The following AUTS2 variants were observed in gnomAD, a reference collection of about 807,000 sequenced individuals.
AUTS2 encodes the protein activator of transcription and developmental regulator AUTS2.
AUTS2 carries 17 observed loss-of-function variants against 112.4 expected under a neutral mutation model. The ratio of observed to expected loss-of-function variants is 0.15; its 90% CI spans 0.10 to 0.23. The LOEUF (loss-of-function observed/expected upper bound fraction) is 0.23. AUTS2 is among the 10% of genes least tolerant of loss of function. AUTS2 has a pLI of 1.00. For synonymous variants in AUTS2, 751 were observed against 702.7 expected (o/e 1.07, Z -1.09); for missense variants, 1,510 against 1,701.6 (o/e 0.89, Z 1.98).
At chr7:70,586,587 A>G (rs567430723) in intron 5 of AUTS2, among the ~76,000 whole-genome samples, 1 of 152,204 alleles carries the variant, frequency 6.6e-6, no homozygotes, top group Non-Finnish European at 1.5e-5. Context: ...CTGGGATAGC[A>G]CTGGTAGACA....
chr7:70,384,383 A>T (rs1339208814), intron 4 of AUTS2, among the ~76,000 whole-genome samples: 1 of 152,208 alleles, frequency 6.6e-6, no homozygotes, highest in East Asian at 1.9e-4. Flanking sequence ...AAGGGCTGCA[A>T]CCAGCAAACA....
At chr7:69,987,129 C>T (rs17363468) in intron 2 of AUTS2, among the ~76,000 whole-genome samples, 17,153 of 152,152 alleles carry the variant, frequency 0.11, 1,003 homozygotes, top group Middle Eastern at 0.15. Context: ...TTTCTCTTCG[C>T]TGGATTAAGA....
intron 2 of AUTS2, among the ~76,000 whole-genome samples, chr7:69,917,801 G>T (rs148696107): frequency 1.5e-4 from 22 of 151,634 alleles, no homozygotes; most frequent in Non-Finnish European, 3.1e-4. Context: ...TAGAATAATG[G>T]TCTTCATTTC....
Position 70,750,471 on chromosome 7 carries a change from TC to T in AUTS2, c.743-12396del, listed in dbSNP as rs1788744511. ...TCCACCTCCCAGGCTCAGGTGTTCC[TC>T]CCACCTCACCCTCCACCTCCCAGGC... On this transcript the variant is annotated intron_variant, in intron 6 of 18. Coordinates refer to ENST00000342771, the MANE Select transcript of AUTS2 (RefSeq NM_015570.4). 6.2e-5 allele frequency among the ~76,000 whole-genome samples: 5 copies of T among 80,282 alleles called. No individual in the cohort carries two copies. In the East Asian group the frequency reaches 2.6e-3, roughly 42 times the overall value. 52.7% of individuals were successfully genotyped at this position (80,282 alleles called of 152,430 possible). A position where few individuals can be genotyped will look rare whatever the true frequency, so the allele number is the denominator to read the frequency against.
At chr7:70,534,470 G>C (rs1346935669) in intron 5 of AUTS2, among the ~76,000 whole-genome samples, 2 of 151,772 alleles carry the variant, frequency 1.3e-5, no homozygotes, top group African/African-American at 4.8e-5. Flanking sequence ...TCTGTCGCCC[G>C]GGCTGGAGTG....
In AUTS2 at chr7:69,993,454, G is replaced by A. The variant is rs531214235; in HGVS notation, c.522+93956G>A. ...GTGGCAAAAACAATAATGGGTTTTT[G>A]AATATATGTTACTAGGCTAGGCACA... On this transcript the variant is annotated intron_variant, in intron 2 of 18. Coordinates refer to ENST00000342771, the MANE Select transcript of AUTS2 (RefSeq NM_015570.4). Among the ~76,000 whole-genome samples the A allele has an allele frequency of 1.1e-3, 164 of 152,228 alleles. 1 individual carries two copies. Among genetic ancestry groups the A allele is most frequent in the African/African-American group, 3.9e-3 (160 of 41,542 alleles).
At chr7:69,604,481 C>T (rs1792603337) in intron 1 of AUTS2, among the ~76,000 whole-genome samples, 1 of 152,150 alleles carries the variant, frequency 6.6e-6, no homozygotes, top group Non-Finnish European at 1.5e-5. Flanking sequence ...TACTTGAATG[C>T]CTGATATCAA....
At chr7:70,056,894 G>C (rs1182447447) in intron 2 of AUTS2, among the ~76,000 whole-genome samples, 1 of 152,134 alleles carries the variant, frequency 6.6e-6, no homozygotes, top group Non-Finnish European at 1.5e-5. Flanking sequence ...AGGGGTTAGG[G>C]CTCAATTTAC....
intron 2 of AUTS2, among the ~76,000 whole-genome samples, chr7:69,902,467 A>G (rs1795005544): frequency 6.6e-6 from 1 of 152,172 alleles, no homozygotes; most frequent in Non-Finnish European, 1.5e-5. Context: ...GTTATTGAGA[A>G]CTACAGATGA....
intron 5 of AUTS2, among the ~76,000 whole-genome samples, chr7:70,473,178 T>C (rs1342161983): frequency 6.6e-6 from 1 of 152,252 alleles, no homozygotes; most frequent in African/African-American, 2.4e-5. Context: ...TCACAGCTTG[T>C]GTGAAATGCT....
intron 4 of AUTS2, among the ~76,000 whole-genome samples, chr7:70,310,624 AAAG>A (rs892657418): frequency 2.6e-5 from 4 of 151,540 alleles, no homozygotes; most frequent in East Asian, 1.9e-4. Flanking sequence ...AAAAAAAAAA[AAAG>A]AAAGAAGTCA....
intron 1 of AUTS2, among the ~76,000 whole-genome samples, chr7:69,837,351 CAGAG>C (rs1584318871): frequency 6.6e-6 from 1 of 152,102 alleles, no homozygotes; most frequent in Non-Finnish European, 1.5e-5. Context: ...TGAAGATGCT[CAGAG>C]AGGTTAATTT....
At position 70,631,781 on chromosome 7, in the gene AUTS2, G is replaced by T. The variant is rs1805274473; in HGVS notation, c.691-66788G>T. Among the ~76,000 whole-genome samples, 1 of 152,150 alleles carries T rather than the reference G, an allele frequency of 6.6e-6. No homozygotes were observed. The highest frequency in any genetic ancestry group is 2.4e-5 in the African/African-American group (1 of 41,438). On this transcript the variant is annotated intron_variant, in intron 5 of 18. Transcript: ENST00000342771. The surrounding 1 kb of genome is among the most constrained non-coding windows in gnomAD (Gnocchi z 4.5). ...AGCAAAATATCCTTGAATCAATACTGCTGCTTGACAGCATCTCCAGCCCCG... is the reference window on the plus strand; with the variant it reads ...AGCAAAATATCCTTGAATCAATACTTCTGCTTGACAGCATCTCCAGCCCCG...
chr7:69,910,288 A>G (rs1410588517), intron 2 of AUTS2, among the ~76,000 whole-genome samples: 1 of 152,210 alleles, frequency 6.6e-6, no homozygotes, highest in Non-Finnish European at 1.5e-5. Flanking sequence ...AGTATTGCTC[A>G]TGCTCACTGG....
At chr7:70,281,845 G>A (rs776366045) in intron 4 of AUTS2, among the ~76,000 whole-genome samples, 2 of 152,136 alleles carry the variant, frequency 1.3e-5, no homozygotes, top group Admixed American at 1.3e-4. Context: ...TGTAATTTCA[G>A]GTGCGGTTTC....
At chr7:70,338,666 G>A (rs932217577) in intron 4 of AUTS2, among the ~76,000 whole-genome samples, 1 of 151,904 alleles carries the variant, frequency 6.6e-6, no homozygotes, top group African/African-American at 2.4e-5. Context: ...CCCTCATTTC[G>A]GTATCTTTTG....
At chr7:70,497,993 A>G (rs542360077) in intron 5 of AUTS2, among the ~76,000 whole-genome samples, 3 of 152,352 alleles carry the variant, frequency 2.0e-5, no homozygotes, top group African/African-American at 7.2e-5. Flanking sequence ...TGAGTAAAAC[A>G]CATAATGCAT....
At chr7:70,005,449 A>G (rs1449441031) in intron 2 of AUTS2, among the ~76,000 whole-genome samples, 1 of 152,218 alleles carries the variant, frequency 6.6e-6, no homozygotes, top group East Asian at 1.9e-4. Flanking sequence ...AAGTATTATG[A>G]CAGGCACTGG....
chr7:70,036,567 G>A (rs1801012749), intron 2 of AUTS2, among the ~76,000 whole-genome samples: 1 of 152,174 alleles, frequency 6.6e-6, no homozygotes, highest in South Asian at 2.1e-4. Flanking sequence ...GATTCTAGCT[G>A]CTTCTTCACT....
Sources: gnomAD v4.1 joint callset for allele counts (sites outside exome capture counted in the v4.1 genomes callset) on GRCh38, gnomAD v4.1.1 for gene constraint, Gnocchi (gnomAD v3.1) non-coding constraint, MANE v1.5 for transcripts, NCBI Gene and HGNC (gene_info 2026-07-23, HGNC 2026-07-21) for gene names.